TNKS: variants seen among roughly 807,000 people sequenced by gnomAD.
TNKS encodes the protein poly [ADP-ribose] polymerase tankyrase-1.
TNKS carries 72 observed loss-of-function variants against 135.8 expected under a neutral mutation model. The ratio of observed to expected loss-of-function variants is 0.53; its 90% CI spans 0.44 to 0.64. TNKS has a LOEUF of 0.64. Among genes scored for constraint, TNKS ranks in the 30% least tolerant of loss-of-function variants. The probability of loss-of-function intolerance (pLI) is 0.00; values close to 1 mark genes in which losing one functional copy is unlikely to be tolerated. For synonymous variants in TNKS, 849 were observed against 649.3 expected (o/e 1.31, Z -4.68); for missense variants, 1,769 against 1,674.0 (o/e 1.06, Z -0.99).
chr8:9,777,923 T>C lies in TNKS; in HGVS notation c.*1187T>C, dbSNP rs992238012. ...TTGTTTACTCCAGATTTGGGGTTTA[T>C]TTTGAGTGGCATGCTTCAAATAGTT... On this transcript the variant is annotated 3_prime_UTR_variant, in exon 27 of 27. Coordinates refer to ENST00000310430, the MANE Select transcript of TNKS (RefSeq NM_003747.3). 1 of 152,622 alleles carries C rather than the reference T, an allele frequency of 6.6e-6. No homozygotes were observed. The highest frequency in any genetic ancestry group is 1.5e-5 in the Non-Finnish European group (1 of 68,036). The allele number at this position is 152,622 out of a possible 1,614,324, so 9.5% of individuals were successfully genotyped here. A position where few individuals can be genotyped will look rare whatever the true frequency, so the allele number is the denominator to read the frequency against.
At chr8:9,648,911 G>A (rs1801022728) in intron 3 of TNKS, among the ~76,000 whole-genome samples, 1 of 150,758 alleles carries the variant, frequency 6.6e-6, no homozygotes, top group Non-Finnish European at 1.5e-5. Context: ...AAGAATGAAA[G>A]TTATTACAGG....
intron 2 of TNKS, among the ~76,000 whole-genome samples, chr8:9,588,702 G>T (rs1798481762): frequency 6.6e-6 from 1 of 152,154 alleles, no homozygotes; most frequent in South Asian, 2.1e-4. Flanking sequence ...TTTAATTCCT[G>T]TGACTTTGGG....
intron 1 of TNKS, among the ~76,000 whole-genome samples, chr8:9,567,599 A>C (rs1797595387): frequency 6.6e-6 from 1 of 152,064 alleles, no homozygotes; most frequent in Non-Finnish European, 1.5e-5. Flanking sequence ...TTGTATTTTT[A>C]GTAGAGACGG....
intron 1 of TNKS, among the ~76,000 whole-genome samples, chr8:9,564,081 C>T (rs1265735950): frequency 6.6e-6 from 1 of 152,014 alleles, no homozygotes; most frequent in Non-Finnish European, 1.5e-5. Context: ...TCATTTTATA[C>T]CTCTGTTTAT....
intron 1 of TNKS, among the ~76,000 whole-genome samples, chr8:9,573,216 C>G (rs1797825673): frequency 1.3e-5 from 2 of 152,242 alleles, no homozygotes; most frequent in Middle Eastern, 6.8e-3. Flanking sequence ...TTAAATTTAA[C>G]AGTTAAATTG....
chr8:9,564,439 G>C (rs965600392), intron 1 of TNKS, among the ~76,000 whole-genome samples: 8 of 152,158 alleles, frequency 5.3e-5, no homozygotes, highest in Non-Finnish European at 1.5e-5. Context: ...ATAATTCTGA[G>C]AAAATAAATT....
At chr8:9,753,791 T>TA (rs2128829453) in intron 20 of TNKS, among the ~76,000 whole-genome samples, 1 of 152,312 alleles carries the variant, frequency 6.6e-6, no homozygotes, top group African/African-American at 2.4e-5. Context: ...GCTTGTAACT[T>TA]AAAGTGTGCC....
intron 1 of TNKS, among the ~76,000 whole-genome samples, chr8:9,570,548 T>C (rs139477391): frequency 1.6e-4 from 25 of 152,286 alleles, no homozygotes; most frequent in African/African-American, 6.0e-4. Flanking sequence ...ATGCGGTTAG[T>C]ACAGCATTTT....
At chr8:9,576,847 C>T (rs1334035525) in intron 1 of TNKS, among the ~76,000 whole-genome samples, 1 of 151,842 alleles carries the variant, frequency 6.6e-6, no homozygotes, top group African/African-American at 2.4e-5. Flanking sequence ...GAAATATATT[C>T]TAATCACATA....
chr8:9,713,697 G>T (rs1434590983), intron 11 of TNKS, among the ~76,000 whole-genome samples: 1 of 152,158 alleles, frequency 6.6e-6, no homozygotes, highest in Non-Finnish European at 1.5e-5. Context: ...GATATCAATT[G>T]CTATCAGTAG....
intron 2 of TNKS, among the ~76,000 whole-genome samples, chr8:9,608,473 A>C (rs934204924): frequency 1.3e-5 from 2 of 152,030 alleles, no homozygotes; most frequent in African/African-American, 2.4e-5. Flanking sequence ...CAAGGCTAGA[A>C]TTGCAATTTC....
chr8:9,588,798 A>G (rs1798484767), intron 2 of TNKS, among the ~76,000 whole-genome samples: 1 of 152,156 alleles, frequency 6.6e-6, no homozygotes, highest in African/African-American at 2.4e-5. Context: ...GTGCTTTCAG[A>G]CTGTTCCATC....
chr8:9,661,244 A>C (rs1450949906), intron 3 of TNKS, among the ~76,000 whole-genome samples: 2 of 152,142 alleles, frequency 1.3e-5, no homozygotes, highest in Non-Finnish European at 2.9e-5. Flanking sequence ...TTTAAAGTTC[A>C]TATGGAATCA....
chr8:9,620,769 A>C (rs1271226041), intron 3 of TNKS, among the ~76,000 whole-genome samples: 1 of 152,188 alleles, frequency 6.6e-6, no homozygotes, highest in African/African-American at 2.4e-5. Flanking sequence ...CTGCTCCTCA[A>C]AGACGGCTTC....
intron 3 of TNKS, among the ~76,000 whole-genome samples, chr8:9,649,117 T>A (rs1801034580): frequency 6.6e-6 from 1 of 152,184 alleles, no homozygotes; most frequent in South Asian, 2.1e-4. Context: ...ATAAACATAC[T>A]TTTCATTACA....
rs1417808119 is a variant in TNKS, at chr8:9,710,175, A to G, written c.1704A>G (p.Arg568=). 3.1e-6 allele frequency: 5 copies of G among 1,614,102 alleles called. No homozygotes were observed. The highest frequency in any genetic ancestry group is 4.2e-6 in the Non-Finnish European group (5 of 1,180,038). ...FMTPLHVAAE[R]AHNDVMEVLH... The stretch of plus-strand genomic sequence containing the variant: ...CTCCCCTGCATGTTGCAGCCGAAAG[A>G]GCCCATAATGATGTCATGGAAGTTC... The change falls in exon 11 of 27, where the codon AGA becomes AGG. Residue 568 remains arginine, a synonymous_variant. Transcript: ENST00000310430.
At chr8:9,636,111 C>A (rs1311348345) in intron 3 of TNKS, among the ~76,000 whole-genome samples, 1 of 152,126 alleles carries the variant, frequency 6.6e-6, no homozygotes, top group Non-Finnish European at 1.5e-5. Flanking sequence ...TTGCAGCCTT[C>A]TCAAATGGAT....
At chr8:9,751,579 C>T in intron 18 of TNKS, 30 bp from the exon 19 acceptor site, 1 of 1,585,118 alleles carries the variant, frequency 6.3e-7, no homozygotes, top group Non-Finnish European at 8.6e-7. Context: ...ATAGTATTTT[C>T]ATGGTTTTTG....
At chr8:9,705,128 A>G (rs1223146874) in intron 6 of TNKS, among the ~76,000 whole-genome samples, 1 of 152,218 alleles carries the variant, frequency 6.6e-6, no homozygotes, top group Non-Finnish European at 1.5e-5. Flanking sequence ...TCCTTTATTG[A>G]TAAACCAAAA....
Sources: gnomAD v4.1 joint callset for allele counts (sites outside exome capture counted in the v4.1 genomes callset) on GRCh38, gnomAD v4.1.1 for gene constraint, MANE v1.5 for transcripts, NCBI Gene and HGNC (gene_info 2026-07-23, HGNC 2026-07-21) for gene names.